BCL11A: variants seen among roughly 807,000 people sequenced by gnomAD.
BCL11A encodes the protein BCL11 transcription factor A.
A neutral mutation model predicts 55.9 loss-of-function variants in BCL11A; 2 were observed. The ratio of observed to expected loss-of-function variants is 0.04; its 90% CI spans 0.01 to 0.11. BCL11A has a LOEUF of 0.11. Ranked by LOEUF, BCL11A falls within the 10% of genes least tolerant of loss-of-function variation. The pLI is 1.00. For synonymous variants in BCL11A, 465 were observed against 473.4 expected (o/e 0.98, Z 0.23); for missense variants, 817 against 1,137.1 (o/e 0.72, Z 4.05).
chr2:60,471,324 G>C (rs1677179556), intron 2 of BCL11A, among the ~76,000 whole-genome samples: 1 of 152,230 alleles, frequency 6.6e-6, no homozygotes, highest in Non-Finnish European at 1.5e-5. Context: ...GTCTTTGTGA[G>C]ACTCACCCTT....
intron 2 of BCL11A, chr2:60,542,889 G>A (rs1042513200): frequency 2.0e-5 from 3 of 152,192 alleles, no homozygotes; most frequent in Non-Finnish European, 4.4e-5. Context: ...AACTAGCTGG[G>A]CGTAGTGGCA....
At position 60,461,814 on chromosome 2, in the gene BCL11A, G is replaced by A; in HGVS notation, c.1098C>T (p.Ala366=). 2 of 1,613,494 alleles carry A rather than the reference G, an allele frequency of 1.2e-6. No homozygotes were observed. The highest frequency in any genetic ancestry group is 1.3e-5 in the African/African-American group (1 of 75,022). Residue 366 remains alanine, a synonymous_variant, in exon 4 of 4, where the codon GCC becomes GCT. Transcript: ENST00000642384. ...TGACCGGGGGCTGGGAGGGAGGAGG[G>A]GCGGATTGCAGAGGAGGGAGGGGGG... The part of the protein sequence containing the change: ...ATPPLPPLQS[A]PPPSQPPVKS...
intron 2 of BCL11A, among the ~76,000 whole-genome samples, chr2:60,510,413 G>A (rs1679914686): frequency 6.6e-6 from 1 of 152,084 alleles, no homozygotes; most frequent in Admixed American, 6.5e-5. Flanking sequence ...AAATTCTCAT[G>A]GCCAACTTCC....
Position 60,492,843 on chromosome 2 carries a change from A to G in BCL11A, c.386-24010T>C, listed in dbSNP as rs1678723427. On this transcript the variant is annotated intron_variant, in intron 2 of 3. Coordinates refer to ENST00000642384, the MANE Select transcript of BCL11A (RefSeq NM_022893.4). ...AGCTTTATTAAGGTATACTTTACAT[A>G]CAACAAAAGTCATTCATTTTAAGTG... is the stretch of plus-strand genomic sequence containing the variant. 2.0e-5 allele frequency among the ~76,000 whole-genome samples: 3 copies of G among 152,318 alleles called. No individual in the cohort carries two copies. In the South Asian group the frequency reaches 6.2e-4, roughly 32 times the overall value.
At chr2:60,452,859 T>G, downstream of BCL11A, 1 of 526,796 alleles carries the variant, frequency 1.9e-6, no homozygotes, top group Non-Finnish European at 3.4e-6. Flanking sequence ...CTGAGTCGTC[T>G]TCCCATGCCT....
chr2:60,511,152 T>A (rs999803596), intron 2 of BCL11A, among the ~76,000 whole-genome samples: 8 of 152,184 alleles, frequency 5.3e-5, no homozygotes, highest in Admixed American at 2.0e-4. Flanking sequence ...TCCACGGCAT[T>A]ACTCTCCCTC....
At chr2:60,499,330 C>T (rs964378577) in intron 2 of BCL11A, among the ~76,000 whole-genome samples, 1 of 152,148 alleles carries the variant, frequency 6.6e-6, no homozygotes, top group African/African-American at 2.4e-5. Context: ...GTGCTGGAGG[C>T]TGAAGTCAAA....
chr2:60,455,142 GTTTA>G (rs906730435), downstream of BCL11A, among the ~76,000 whole-genome samples: 1 of 152,138 alleles, frequency 6.6e-6, no homozygotes, highest in African/African-American at 2.4e-5. Context: ...CGGTATTCCT[GTTTA>G]TTAAGTTGTT....
chr2:60,452,699 A>C (rs919060514), downstream of BCL11A: 1 of 1,539,656 alleles, frequency 6.5e-7, no homozygotes, highest in South Asian at 1.1e-5. Context: ...GGAGGGGGAA[A>C]AAAAAAGTAC....
At chr2:60,527,311 A>C (rs1487066509) in intron 2 of BCL11A, 1 of 152,208 alleles carries the variant, frequency 6.6e-6, no homozygotes, top group Non-Finnish European at 1.5e-5. Flanking sequence ...TTATCATTTC[A>C]GCTTTATCAT....
At chr2:60,488,148 G>A (rs1678394437) in intron 2 of BCL11A, among the ~76,000 whole-genome samples, 1 of 152,182 alleles carries the variant, frequency 6.6e-6, no homozygotes, top group Non-Finnish European at 1.5e-5. Context: ...TTGTCTCACG[G>A]GCTGTTCAAA....
intron 2 of BCL11A, among the ~76,000 whole-genome samples, chr2:60,490,973 A>T (rs1378713792): frequency 6.6e-6 from 1 of 151,972 alleles, no homozygotes; most frequent in Non-Finnish European, 1.5e-5. Context: ...GTAACATGTT[A>T]TGCTACACAA....
At chr2:60,477,517 G>A (rs1677678559) in intron 2 of BCL11A, among the ~76,000 whole-genome samples, 2 of 152,230 alleles carry the variant, frequency 1.3e-5, no homozygotes, top group South Asian at 4.1e-4. Context: ...GGGTTGATAG[G>A]TGCAGCAAAC....
downstream of BCL11A, among the ~76,000 whole-genome samples, chr2:60,456,633 T>TAAACA (rs553242315): frequency 7.7e-4 from 118 of 152,266 alleles, no homozygotes; most frequent in South Asian, 2.1e-3. Flanking sequence ...CCCTCTTTTT[T>TAAACA]AAACAAAACA....
In BCL11A at chr2:60,460,169, A is replaced by G. The variant is rs1676167896; in HGVS notation, c.*235T>C. 1 of 124,390 alleles carries G rather than the reference A, an allele frequency of 8.0e-6. No individual in the cohort carries two copies. The highest frequency in any genetic ancestry group is 2.0e-4 in the South Asian group (1 of 5,088). The allele number at this position is 124,390 out of a possible 1,614,324, so 7.7% of individuals were successfully genotyped here. On this transcript the variant is annotated 3_prime_UTR_variant, in exon 4 of 4. Transcript: ENST00000642384. The stretch of plus-strand genomic sequence containing the variant: ...CATTCAAACGGTGAGAACATAAAGG[A>G]AAAAAAAAAAAAAGGAAAAAGAAAA...
intron 3 of BCL11A, 121 bp from the exon 4 acceptor site, chr2:60,462,545 CCT>C: frequency 6.9e-7 from 1 of 1,449,124 alleles, no homozygotes; most frequent in Admixed American, 2.8e-5. Context: ...AGGCCTAAGC[CCT>C]CACTGACCTA....
At chr2:60,516,349 G>C (rs1376854184) in intron 2 of BCL11A, among the ~76,000 whole-genome samples, 1 of 152,130 alleles carries the variant, frequency 6.6e-6, no homozygotes, top group African/African-American at 2.4e-5. Flanking sequence ...AGGGAATCTG[G>C]GCTCCGCTCT....
intron 2 of BCL11A, among the ~76,000 whole-genome samples, chr2:60,538,739 C>CTCTCTG (rs1436371909): frequency 3.0e-5 from 2 of 67,432 alleles, no homozygotes; most frequent in African/African-American, 4.3e-5. Context: ...CTCTCTCTCT[C>CTCTCTG]TGTGTGTGTG....
chr2:60,544,893 AT>A (rs1670079515), intron 2 of BCL11A: 1 of 152,222 alleles, frequency 6.6e-6, no homozygotes, highest in African/African-American at 2.4e-5. Context: ...GTTACTGTTT[AT>A]CACTTAGAGA....
Sources: gnomAD v4.1 joint callset for allele counts (sites outside exome capture counted in the v4.1 genomes callset) on GRCh38, gnomAD v4.1.1 for gene constraint, MANE v1.5 for transcripts, NCBI Gene and HGNC (gene_info 2026-07-23, HGNC 2026-07-21) for gene names.